Variants in RERE observed in about 807,000 individuals in gnomAD.
RERE encodes arginine-glutamic acid dipeptide repeats protein.
Under a neutral mutation model 146.1 loss-of-function variants are expected in RERE, and 40 were observed. The ratio of observed to expected loss-of-function variants is 0.27; its 90% CI spans 0.21 to 0.36. The LOEUF is 0.36. Ranked by LOEUF, RERE falls within the 10% of genes least tolerant of loss-of-function variation. The pLI, the probability that RERE is intolerant of heterozygous loss-of-function variation, is 1.00. For synonymous variants in RERE, 1,003 were observed against 866.0 expected (o/e 1.16, Z -2.78); for missense variants, 1,933 against 2,138.7 (o/e 0.90, Z 1.90).
At chr1:8,513,915 GA>G (rs1336390634) in intron 7 of RERE, among the ~76,000 whole-genome samples, 1 of 152,188 alleles carries the variant, frequency 6.6e-6, no homozygotes, top group Non-Finnish European at 1.5e-5. Flanking sequence ...TCTTGCCTTT[GA>G]ATGAATGGAT....
intron 1 of RERE, among the ~76,000 whole-genome samples, chr1:8,690,113 GCTTAAAC>G: frequency 6.6e-6 from 1 of 152,184 alleles, no homozygotes; most frequent in Non-Finnish European, 1.5e-5. Context: ...AGACTGGGTG[GCTTAAAC>G]AGCAAAAATT....
intron 11 of RERE, among the ~76,000 whole-genome samples, chr1:8,426,161 G>A (rs1215832292): frequency 6.7e-6 from 1 of 149,460 alleles, no homozygotes; most frequent in Non-Finnish European, 1.5e-5. Context: ...TTCTTCCTAA[G>A]AAGTGTCTTT....
intron 13 of RERE, 122 bp downstream of exon 13, chr1:8,365,690 G>T: frequency 9.1e-7 from 1 of 1,104,902 alleles, no homozygotes; most frequent in Non-Finnish European, 1.3e-6. Flanking sequence ...ACATGCACTG[G>T]AGCACGGGTG....
At chr1:8,510,541 G>A (rs949431392) in intron 7 of RERE, among the ~76,000 whole-genome samples, 2 of 152,182 alleles carry the variant, frequency 1.3e-5, no homozygotes, top group Admixed American at 6.5e-5. Flanking sequence ...TGTTTTAGGA[G>A]GTATGTAAAG....
chr1:8,447,554 C>T (rs1367062423), intron 11 of RERE, among the ~76,000 whole-genome samples: 1 of 152,214 alleles, frequency 6.6e-6, no homozygotes. Flanking sequence ...AGTCAGGCCC[C>T]TCTGCTGCAG....
In RERE at chr1:8,525,671, G is replaced by T. The variant is rs531721363; in HGVS notation, c.830+15543C>A. ...GCTCTCAGGAACATGCACTATGAAT[G>T]ATGAAATGATTCATAAACACCTTCA... On this transcript the variant is annotated intron_variant, in intron 7 of 22. Transcript: ENST00000400908. The T allele has an allele frequency of 7.0e-5, 93 of 1,336,484 alleles. 3 individuals are homozygous for T. The South Asian group carries it at 1.4e-3, about 20-fold the overall frequency. The allele number at this position is 1,336,484 out of a possible 1,614,324, so 82.8% of individuals were successfully genotyped here. A position where few individuals can be genotyped will look rare whatever the true frequency, so the allele number is the denominator to read the frequency against.
At chr1:8,635,069 C>CAA (rs1161568272) in intron 2 of RERE, among the ~76,000 whole-genome samples, 1 of 152,130 alleles carries the variant, frequency 6.6e-6, no homozygotes, top group Non-Finnish European at 1.5e-5. Flanking sequence ...TTTAAAACAT[C>CAA]AAGACACTTT....
At chr1:8,498,232 G>A (rs12403339) in intron 8 of RERE, among the ~76,000 whole-genome samples, 24,893 of 151,902 alleles carry the variant, frequency 0.16, 2,360 homozygotes, top group Middle Eastern at 0.29. Flanking sequence ...GGTGGCGGGC[G>A]CCTATAATTC....
intron 12 of RERE, among the ~76,000 whole-genome samples, chr1:8,370,201 AAAAGGCACAGACC>A (rs1385733823): frequency 2.0e-5 from 3 of 152,160 alleles, no homozygotes; most frequent in African/African-American, 7.2e-5. Flanking sequence ...CTTGGCAATT[AAAAGGCACAGACC>A]ACCGACACAT....
chr1:8,758,408 A>G (rs1190306008), intron 1 of RERE, among the ~76,000 whole-genome samples: 1 of 147,300 alleles, frequency 6.8e-6, no homozygotes, highest in African/African-American at 2.5e-5. Context: ...TTTTTTTTTA[A>G]AGAAACGGGG....
intron 7 of RERE, among the ~76,000 whole-genome samples, chr1:8,527,708 C>CTTCA: frequency 6.6e-6 from 1 of 152,288 alleles, no homozygotes; most frequent in South Asian, 2.1e-4. Context: ...TGGATATCCT[C>CTTCA]TTCATTGTCT....
intron 2 of RERE, among the ~76,000 whole-genome samples, chr1:8,655,388 G>A (rs914015601): frequency 2.0e-5 from 3 of 151,924 alleles, no homozygotes; most frequent in African/African-American, 7.3e-5. Flanking sequence ...TGTATTTTTA[G>A]TAGAGACAGG....
chr1:8,632,324 A>C (rs1647045474), intron 2 of RERE, among the ~76,000 whole-genome samples: 1 of 152,222 alleles, frequency 6.6e-6, no homozygotes, highest in Non-Finnish European at 1.5e-5. Flanking sequence ...GATTTCAAGC[A>C]ACACTGCTTG....
intron 7 of RERE, among the ~76,000 whole-genome samples, chr1:8,540,736 C>T (rs1360288170): frequency 2.0e-5 from 3 of 152,154 alleles, no homozygotes; most frequent in African/African-American, 7.2e-5. Flanking sequence ...CTGACTCATA[C>T]TAGTAGTCTT....
chr1:8,473,689 T>C (rs926826643), intron 10 of RERE, among the ~76,000 whole-genome samples: 2 of 152,238 alleles, frequency 1.3e-5, no homozygotes, highest in Non-Finnish European at 2.9e-5. Context: ...AAGTGACAGA[T>C]TCTTGCTAAT....
chr1:8,697,140 G>C (rs984906523), intron 1 of RERE, among the ~76,000 whole-genome samples: 1 of 152,080 alleles, frequency 6.6e-6, no homozygotes, highest in Non-Finnish European at 1.5e-5. Context: ...TAAGAATTAT[G>C]ATCTGTGGAA....
chr1:8,574,535 G>A (rs945172068), intron 4 of RERE, among the ~76,000 whole-genome samples: 1 of 151,898 alleles, frequency 6.6e-6, no homozygotes, highest in African/African-American at 2.4e-5. Context: ...TTTTAGTAGA[G>A]ATAGGGTTTC....
chr1:8,721,854 C>T (rs1027632924), intron 1 of RERE, among the ~76,000 whole-genome samples: 1 of 152,150 alleles, frequency 6.6e-6, no homozygotes, highest in Non-Finnish European at 1.5e-5. Context: ...ATAACATAAA[C>T]CCTTATCTCT....
In RERE at chr1:8,500,266, C is replaced by T. The variant is rs77833655; in HGVS notation, c.880-2737G>A. Among the ~76,000 whole-genome samples, 1,446 of 152,270 alleles carry T rather than the reference C, an allele frequency of 9.5e-3. 10 individuals carry two copies. The highest frequency in any genetic ancestry group is 0.013 in the Non-Finnish European group (897 of 68,030). ...CAGTTCTCTAATGTCTGTTATTAAT[C>T]GAAAAGTACTATTACTGTGAGCAGG... On this transcript the variant is annotated intron_variant, in intron 8 of 22. Coordinates refer to ENST00000400908, the MANE Select transcript of RERE (RefSeq NM_001042681.2).
Sources: allele counts gnomAD v4.1 joint callset (sites outside exome capture counted in the v4.1 genomes callset), GRCh38; gene constraint gnomAD v4.1.1; transcripts MANE v1.5; gene names NCBI Gene and HGNC (gene_info 2026-07-23, HGNC 2026-07-21).